The following RERG variants were observed in gnomAD, a reference collection of about 807,000 sequenced individuals.
RERG encodes the protein RAS like estrogen regulated growth inhibitor, also known as ras-related and estrogen-regulated growth inhibitor.
Under a neutral mutation model 23.2 loss-of-function variants are expected in RERG, and 25 were observed. That is an observed-to-expected ratio of 1.08 (90% CI 0.79 to 1.50). RERG has a LOEUF of 1.50. Ranked by LOEUF, RERG falls within the 40% of genes most tolerant of loss-of-function variation. The pLI, the probability that RERG is intolerant of heterozygous loss-of-function variation, is 0.00. For synonymous variants in RERG, 81 were observed against 89.1 expected (o/e 0.91, Z 0.51); for missense variants, 253 against 250.1 (o/e 1.01, Z -0.08).
intron 2 of RERG, among the ~76,000 whole-genome samples, chr12:15,136,184 A>G (rs187862801): frequency 7.2e-5 from 11 of 152,122 alleles, no homozygotes; most frequent in Admixed American, 7.2e-4. Context: ...GTGGGCTGAA[A>G]TATTTGCCCA....
chr12:15,221,187 ACACT>A lies in RERG; in HGVS notation c.-115+4_-115+7del, dbSNP rs1865507823. On this transcript the variant is annotated splice_donor_5th_base_variant and intron_variant, in intron 1 of 4. Transcript: ENST00000256953. Reference sequence around the variant, plus strand: ...AAAGAGCTGCCTGGACACGTGCGTGACACTCACCTGTTCACACTCTCCAGGCCAG... The same window carrying A: ...AAAGAGCTGCCTGGACACGTGCGTGACACCTGTTCACACTCTCCAGGCCAG... 2 of 152,240 alleles carry A rather than the reference ACACT, an allele frequency of 1.3e-5. No homozygotes were observed. The allele number at this position is 152,240 out of a possible 1,614,324, so 9.4% of individuals were successfully genotyped here. A position where few individuals can be genotyped will look rare whatever the true frequency, so the allele number is the denominator to read the frequency against.
intron 2 of RERG, among the ~76,000 whole-genome samples, chr12:15,199,473 G>C (rs1486730113): frequency 2.0e-5 from 3 of 152,054 alleles, no homozygotes; most frequent in Non-Finnish European, 2.9e-5. Context: ...GTTGGAGGTA[G>C]ACACTTGTTT....
chr12:15,190,871 G>A lies in RERG; in HGVS notation c.61+26558C>T, dbSNP rs917651731. Among the ~76,000 whole-genome samples, 3 of 152,266 alleles carry A rather than the reference G, an allele frequency of 2.0e-5. No homozygotes were observed. In the East Asian group the frequency reaches 5.8e-4, roughly 29 times the overall value. ...TTGCCAGGCGACATTCAAGGTCCCAGTTGGGATTGCAGCCTCTTCAGAGGC... is the reference window on the plus strand; with the variant it reads ...TTGCCAGGCGACATTCAAGGTCCCAATTGGGATTGCAGCCTCTTCAGAGGC... On this transcript the variant is annotated intron_variant, in intron 2 of 4. Coordinates refer to ENST00000256953, the MANE Select transcript of RERG (RefSeq NM_032918.3).
intron 2 of RERG, among the ~76,000 whole-genome samples, chr12:15,139,794 G>C (rs117121967): frequency 6.6e-6 from 1 of 151,944 alleles, no homozygotes; most frequent in African/African-American, 2.4e-5. Flanking sequence ...CCCAATCTGC[G>C]TATCTTTATT....
intron 2 of RERG, among the ~76,000 whole-genome samples, chr12:15,189,517 T>G (rs1430311393): frequency 6.6e-6 from 1 of 152,204 alleles, no homozygotes; most frequent in Admixed American, 6.6e-5. Context: ...AATATTATTT[T>G]TAGTCTCATC....
intron 2 of RERG, among the ~76,000 whole-genome samples, chr12:15,211,181 T>C (rs1394313904): frequency 1.3e-5 from 2 of 152,126 alleles, no homozygotes; most frequent in East Asian, 3.9e-4. Context: ...TATAATCTTA[T>C]GTCCACACTC....
At chr12:15,166,472 TTGA>T (rs1201050014) in intron 2 of RERG, among the ~76,000 whole-genome samples, 1 of 150,842 alleles carries the variant, frequency 6.6e-6, no homozygotes, top group African/African-American at 2.4e-5. Context: ...CTCATGATAA[TTGA>T]TGATGATGAT....
At chr12:15,159,261 T>C (rs1456986545) in intron 2 of RERG, among the ~76,000 whole-genome samples, 1 of 152,232 alleles carries the variant, frequency 6.6e-6, no homozygotes, top group Non-Finnish European at 1.5e-5. Context: ...CCTTTCAAGC[T>C]GGTTCTTGTG....
chr12:15,205,036 A>G (rs941448055), intron 2 of RERG, among the ~76,000 whole-genome samples: 6 of 151,942 alleles, frequency 3.9e-5, no homozygotes, highest in African/African-American at 1.4e-4. Flanking sequence ...GAGGGGAATT[A>G]GGTGTAGGGT....
chr12:15,195,255 TG>T (rs768690488), intron 2 of RERG, among the ~76,000 whole-genome samples: 26 of 152,028 alleles, frequency 1.7e-4, no homozygotes, highest in Admixed American at 5.9e-4. Context: ...CCAAAACGAC[TG>T]GGATGAGCCC....
intron 2 of RERG, among the ~76,000 whole-genome samples, chr12:15,175,958 C>T (rs1017389720): frequency 1.2e-4 from 19 of 152,124 alleles, no homozygotes; most frequent in Non-Finnish European, 1.0e-4. Context: ...TAAAGTACCA[C>T]AAACTCTGCA....
chr12:15,127,595 T>G (rs2136093268), intron 2 of RERG, among the ~76,000 whole-genome samples: 1 of 152,312 alleles, frequency 6.6e-6, no homozygotes, highest in East Asian at 1.9e-4. Flanking sequence ...AACTCTTAAG[T>G]GGTCAAAAGA....
chr12:15,185,798 C>T lies in RERG; in HGVS notation c.61+31631G>A, dbSNP rs1306351255. Reference sequence around the variant, plus strand: ...ACATGCAATTTACCCATATAACAAACCTGCACGTGTATCCCCTAAACAAAA... The same window carrying T: ...ACATGCAATTTACCCATATAACAAATCTGCACGTGTATCCCCTAAACAAAA... On this transcript the variant is annotated intron_variant, in intron 2 of 4. Coordinates refer to ENST00000256953, the MANE Select transcript of RERG (RefSeq NM_032918.3). 7.3e-5 allele frequency among the ~76,000 whole-genome samples: 11 copies of T among 151,522 alleles called. No homozygotes were observed. In the South Asian group the frequency reaches 2.1e-3, roughly 29 times the overall value.
chr12:15,196,226 C>T (rs1379697646), intron 2 of RERG, among the ~76,000 whole-genome samples: 1 of 152,110 alleles, frequency 6.6e-6, no homozygotes, highest in African/African-American at 2.4e-5. Context: ...TCTATAGATA[C>T]GTAGGAGTGA....
intron 2 of RERG, among the ~76,000 whole-genome samples, chr12:15,167,331 C>T (rs1003310780): frequency 6.6e-6 from 1 of 152,166 alleles, no homozygotes; most frequent in Non-Finnish European, 1.5e-5. Context: ...ATCAGAAAGA[C>T]TCCACCCCAG....
chr12:15,117,681 A>ATG (rs1466485193), intron 3 of RERG, among the ~76,000 whole-genome samples: 72,551 of 144,032 alleles, frequency 0.5, 17,934 homozygotes, highest in Admixed American at 0.6. Context: ...ACGCGCACAC[A>ATG]CACACACACA....
chr12:15,131,254 A>G (rs1313359786), intron 2 of RERG, among the ~76,000 whole-genome samples: 1 of 152,166 alleles, frequency 6.6e-6, no homozygotes, highest in African/African-American at 2.4e-5. Context: ...AATAAATCAA[A>G]AGGGTTTTGT....
chr12:15,177,839 G>GTT (rs11304470), intron 2 of RERG, among the ~76,000 whole-genome samples: 3,287 of 112,862 alleles, frequency 0.029, 42 homozygotes, highest in South Asian at 0.032. Context: ...CCCTCTGTTT[G>GTT]TTTTTTTTTT....
intron 2 of RERG, among the ~76,000 whole-genome samples, chr12:15,154,985 G>C (rs1864501084): frequency 6.6e-6 from 1 of 152,098 alleles, no homozygotes; most frequent in African/African-American, 2.4e-5. Flanking sequence ...ACCTCATATT[G>C]ATTCTTGCTT....
Sources: allele counts gnomAD v4.1 joint callset (sites outside exome capture counted in the v4.1 genomes callset), GRCh38; gene constraint gnomAD v4.1.1; transcripts MANE v1.5; gene names NCBI Gene and HGNC (gene_info 2026-07-23, HGNC 2026-07-21).